Variants in THSD7B observed in about 807,000 individuals in gnomAD.
The protein encoded by THSD7B is thrombospondin type 1 domain containing 7B.
Under a neutral mutation model 213.6 loss-of-function variants are expected in THSD7B, and 138 were observed. That is an observed-to-expected ratio of 0.65 (90% CI 0.56 to 0.74). The LOEUF (loss-of-function observed/expected upper bound fraction) is 0.74, where lower values mean the gene tolerates loss of function less well. Among genes scored for constraint, THSD7B ranks in the 30% least tolerant of loss-of-function variants. THSD7B has a pLI of 0.00. For synonymous variants in THSD7B, 742 were observed against 687.0 expected (o/e 1.08, Z -1.25); for missense variants, 1,931 against 1,991.5 (o/e 0.97, Z 0.58).
intron 2 of THSD7B, among the ~76,000 whole-genome samples, chr2:137,046,283 A>C (rs1254249898): frequency 6.6e-6 from 1 of 152,180 alleles, no homozygotes; most frequent in Non-Finnish European, 1.5e-5. Flanking sequence ...TGAATTCTAC[A>C]ATTAGATTTG....
chr2:136,997,115 G>A (rs1051580079), intron 2 of THSD7B, among the ~76,000 whole-genome samples: 1 of 152,116 alleles, frequency 6.6e-6, no homozygotes, highest in African/African-American at 2.4e-5. Flanking sequence ...GTAACATCAA[G>A]GATTATTATA....
intron 14 of THSD7B, among the ~76,000 whole-genome samples, chr2:137,450,444 C>G (rs1687625565): frequency 6.6e-6 from 1 of 152,210 alleles, no homozygotes; most frequent in African/African-American, 2.4e-5. Flanking sequence ...TAAGTGAAAG[C>G]CTTGCAGATC....
intron 20 of THSD7B, among the ~76,000 whole-genome samples, chr2:137,632,324 A>G (rs1259486725): frequency 2.0e-5 from 3 of 152,212 alleles, no homozygotes; most frequent in African/African-American, 7.2e-5. Context: ...CCTTCTAAAT[A>G]TGTTCTTGCC....
In THSD7B at chr2:137,184,325, A is replaced by G. The variant is rs370640281; in HGVS notation, c.1723+13387A>G. 3.5e-4 allele frequency among the ~76,000 whole-genome samples: 54 copies of G among 152,272 alleles called. 1 individual carries two copies. The East Asian group carries it at 9.2e-3, about 26-fold the overall frequency. ...AATCTCTTAATGGCCCCTCTTCTTA[A>G]TATTATCACATTGGCCATTAAGTTT... On this transcript the variant is annotated intron_variant, in intron 7 of 27. Coordinates refer to ENST00000409968, the MANE Select transcript of THSD7B (RefSeq NM_001316349.2).
At chr2:137,617,352 G>T (rs958147965) in intron 18 of THSD7B, among the ~76,000 whole-genome samples, 7 of 152,080 alleles carry the variant, frequency 4.6e-5, no homozygotes, top group African/African-American at 1.4e-4. Flanking sequence ...ATGACCAAGG[G>T]TCTTCCTTTC....
rs73957707 is a variant in THSD7B, at chr2:136,904,404, A to G, written c.139+22087A>G. ...TAATGTGCAGTGACAGGGGTCACTT[A>G]CCACCCCAACCACTGGAAGGGTTTC... is the stretch of plus-strand genomic sequence containing the variant. On this transcript the variant is annotated intron_variant, in intron 2 of 27. Coordinates refer to ENST00000409968, the MANE Select transcript of THSD7B (RefSeq NM_001316349.2). Among the ~76,000 whole-genome samples the G allele has an allele frequency of 9.3e-3, 1,410 of 152,286 alleles. 22 individuals carry two copies. Among genetic ancestry groups the G allele is most frequent in the African/African-American group, 0.032 (1,319 of 41,578 alleles).
intron 4 of THSD7B, among the ~76,000 whole-genome samples, chr2:137,113,062 T>C (rs1688378427): frequency 6.6e-6 from 1 of 152,152 alleles, no homozygotes; most frequent in African/African-American, 2.4e-5. Flanking sequence ...AATGATATCA[T>C]AGAAGTCTCT....
intron 10 of THSD7B, among the ~76,000 whole-genome samples, chr2:137,269,064 G>C (rs939754656): frequency 5.9e-5 from 9 of 151,706 alleles, no homozygotes; most frequent in East Asian, 3.9e-4. Flanking sequence ...CAAACACACA[G>C]AGAGAGAGAG....
intron 2 of THSD7B, among the ~76,000 whole-genome samples, chr2:136,910,149 T>A (rs1684233175): frequency 2.0e-5 from 3 of 152,098 alleles, no homozygotes; most frequent in Non-Finnish European, 2.9e-5. Flanking sequence ...GGAGTAACTC[T>A]GCCAGGAGGG....
intron 2 of THSD7B, among the ~76,000 whole-genome samples, chr2:136,907,514 C>T (rs1684185232): frequency 6.6e-6 from 1 of 151,918 alleles, no homozygotes; most frequent in Non-Finnish European, 1.5e-5. Context: ...AATTTGATAG[C>T]CAACAGAAAA....
At chr2:137,115,385 C>G in intron 5 of THSD7B, 92 bp downstream of exon 5, 1 of 1,309,956 alleles carries the variant, frequency 7.6e-7, no homozygotes, top group Non-Finnish European at 1.0e-6. Context: ...ATAAGTGACA[C>G]TTAGCATTCA....
chr2:137,668,950 C>A (rs894860600), intron 27 of THSD7B, among the ~76,000 whole-genome samples: 1 of 152,028 alleles, frequency 6.6e-6, no homozygotes, highest in South Asian at 2.1e-4. Flanking sequence ...GTGGCAGAGG[C>A]GGAAGAAATT....
At chr2:136,942,538 T>A (rs1480707511) in intron 2 of THSD7B, among the ~76,000 whole-genome samples, 1 of 152,214 alleles carries the variant, frequency 6.6e-6, no homozygotes, top group Non-Finnish European at 1.5e-5. Flanking sequence ...AGCAGTGGTT[T>A]GTAGTTCTCC....
At chr2:137,284,094 T>C (rs1432671405) in intron 12 of THSD7B, among the ~76,000 whole-genome samples, 1 of 152,150 alleles carries the variant, frequency 6.6e-6, no homozygotes, top group African/African-American at 2.4e-5. Flanking sequence ...ATTGGTCTAT[T>C]CAGAGATTCC....
At chr2:137,257,310 T>A (rs546386912) in intron 10 of THSD7B, among the ~76,000 whole-genome samples, 1 of 152,318 alleles carries the variant, frequency 6.6e-6, no homozygotes, top group East Asian at 1.9e-4. Context: ...TCCTGTGTAA[T>A]TCACATAACT....
chr2:137,633,945 T>C (rs1416337697), intron 20 of THSD7B, among the ~76,000 whole-genome samples: 1 of 152,154 alleles, frequency 6.6e-6, no homozygotes, highest in Non-Finnish European at 1.5e-5. Flanking sequence ...TTAACTTAGA[T>C]TGAACATGGC....
intron 17 of THSD7B, among the ~76,000 whole-genome samples, chr2:137,579,378 A>G (rs985601079): frequency 2.6e-5 from 4 of 152,218 alleles, no homozygotes; most frequent in African/African-American, 9.6e-5. Context: ...TTGGGTATAA[A>G]GCCAGCAGGC....
At chr2:137,101,788 G>A (rs2104925509) in intron 4 of THSD7B, among the ~76,000 whole-genome samples, 1 of 152,306 alleles carries the variant, frequency 6.6e-6, no homozygotes, top group Middle Eastern at 3.4e-3. Flanking sequence ...TTCAAACTGG[G>A]TGGAGTCCAC....
intron 1 of THSD7B, among the ~76,000 whole-genome samples, chr2:136,872,283 G>A (rs1247695598): frequency 6.6e-6 from 1 of 150,966 alleles, no homozygotes; most frequent in Admixed American, 6.7e-5. Flanking sequence ...CTTAGTAGGT[G>A]GCACATATCC....
Sources: gnomAD v4.1 joint callset for allele counts (sites outside exome capture counted in the v4.1 genomes callset) on GRCh38, gnomAD v4.1.1 for gene constraint, MANE v1.5 for transcripts, NCBI Gene and HGNC (gene_info 2026-07-23, HGNC 2026-07-21) for gene names.